The following GRIK1 variants were observed in gnomAD, a reference collection of about 807,000 sequenced individuals.
The protein encoded by GRIK1 is glutamate receptor ionotropic, kainate 1.
A neutral mutation model predicts 105.7 loss-of-function variants in GRIK1; 69 were observed. The ratio of observed to expected loss-of-function variants is 0.65; its 90% confidence interval spans 0.54 to 0.80. The LOEUF is 0.80. Among genes scored for constraint, GRIK1 ranks in the 30% least tolerant of loss-of-function variants. The probability of loss-of-function intolerance (pLI) is 0.00; values close to 1 mark genes in which losing one functional copy is unlikely to be tolerated. For missense variants in GRIK1, 1,109 were observed against 1,167.3 expected, an observed-to-expected ratio of 0.95 and a Z score of 0.73; for synonymous variants, 438 against 431.3, an observed-to-expected ratio of 1.02 and a Z score of -0.19.
chr21:29,905,762 G>A (rs2146276955), intron 1 of GRIK1, among the ~76,000 whole-genome samples: 1 of 147,948 alleles, frequency 6.8e-6, no homozygotes, highest in African/African-American at 2.5e-5. Context: ...AAGTAGCTGG[G>A]ACTACAGGCG....
intron 1 of GRIK1, among the ~76,000 whole-genome samples, chr21:29,831,266 C>T (rs964913464): frequency 3.3e-5 from 5 of 152,154 alleles, no homozygotes; most frequent in African/African-American, 1.2e-4. Flanking sequence ...TTTACTTCTG[C>T]AGCTTTGACT....
intron 1 of GRIK1, among the ~76,000 whole-genome samples, chr21:29,916,388 T>TA (rs1010592967): frequency 5.9e-5 from 9 of 151,320 alleles, no homozygotes; most frequent in African/African-American, 2.2e-4. Context: ...CCTGTTTCTG[T>TA]AAAAAAAAAT....
chr21:29,732,831 A>C (rs148970855), intron 1 of GRIK1, among the ~76,000 whole-genome samples: 32 of 152,278 alleles, frequency 2.1e-4, no homozygotes, highest in Non-Finnish European at 3.4e-4. Flanking sequence ...ACTACATCCT[A>C]GTTCTGTGTG....
At chr21:29,779,331 A>AGT (rs1307429410) in intron 1 of GRIK1, among the ~76,000 whole-genome samples, 6 of 80,584 alleles carry the variant, frequency 7.4e-5, no homozygotes, top group African/African-American at 1.8e-4. Context: ...GAGGTCAGTG[A>AGT]GTGAGTGTGT....
intron 7 of GRIK1, among the ~76,000 whole-genome samples, chr21:29,620,833 A>G (rs1568897830): frequency 6.9e-6 from 1 of 145,876 alleles, no homozygotes; most frequent in East Asian, 1.9e-4. Flanking sequence ...ATAATATATT[A>G]TAGTCATAAA....
intron 4 of GRIK1, among the ~76,000 whole-genome samples, chr21:29,655,235 C>A (rs758806808): frequency 1.3e-5 from 2 of 152,154 alleles, no homozygotes; most frequent in Non-Finnish European, 2.9e-5. Context: ...ATAGAGAAAT[C>A]CTGTCTCTAC....
In GRIK1 at chr21:29,629,217, T is replaced by TGTGTGTGTGTGTGG. The variant is rs1555853097; in HGVS notation, c.1098+13608_1098+13609insCCACACACACACAC. Among the ~76,000 whole-genome samples the TGTGTGTGTGTGTGG allele has an allele frequency of 2.0e-3, 299 of 148,942 alleles. 2 individuals are homozygous for TGTGTGTGTGTGTGG. Among genetic ancestry groups the TGTGTGTGTGTGTGG allele is most frequent in the African/African-American group, 6.9e-3 (274 of 39,460 alleles). ...AAATGTGTGTGTGTGTGTGTGTGTG[T>TGTGTGTGTGTGTGG]GTGTGTGTGTGTGTGTGCTATTTGC... On this transcript the variant is annotated intron_variant, in intron 7 of 17. Transcript: ENST00000327783.
chr21:29,560,552 C>G (rs1601116388), intron 15 of GRIK1, among the ~76,000 whole-genome samples: 1 of 95,922 alleles, frequency 1.0e-5, no homozygotes, highest in South Asian at 3.2e-4. Flanking sequence ...TTCTTTCTTT[C>G]TTTCTTTCTT....
Position 29,852,267 on chromosome 21 carries a change from A to G in GRIK1, c.118+87116T>C, listed in dbSNP as rs886237310. Among the ~76,000 whole-genome samples the G allele has an allele frequency of 2.0e-5, 3 of 152,172 alleles. No homozygotes were observed. In the South Asian group the frequency reaches 6.2e-4, roughly 32 times the overall value. On this transcript the variant is annotated intron_variant, in intron 1 of 17. Transcript: ENST00000327783. ...AATAGTTAGTTCTCTCCCACAGAGC[A>G]CTTTTCACTTTCCTTGCGCTTAAAT...
chr21:29,592,817 T>G (rs2061351543), intron 9 of GRIK1, among the ~76,000 whole-genome samples: 1 of 152,158 alleles, frequency 6.6e-6, no homozygotes, highest in Non-Finnish European at 1.5e-5. Flanking sequence ...CTGGACTCAT[T>G]TTTTTAAAAA....
intron 15 of GRIK1, among the ~76,000 whole-genome samples, chr21:29,558,767 G>A (rs1170869249): frequency 6.6e-6 from 1 of 151,336 alleles, no homozygotes; most frequent in East Asian, 1.9e-4. Context: ...CTCAACACTA[G>A]GTCAGCTTCA....
chr21:29,560,278 G>GTTTTCT (rs2090358738), intron 15 of GRIK1, among the ~76,000 whole-genome samples: 1 of 124,500 alleles, frequency 8.0e-6, no homozygotes, highest in Admixed American at 7.7e-5. Flanking sequence ...ATATGATACA[G>GTTTTCT]TTTTCTTTCT....
intron 3 of GRIK1, among the ~76,000 whole-genome samples, chr21:29,684,452 T>C (rs1038916222): frequency 1.3e-5 from 2 of 152,172 alleles, no homozygotes; most frequent in African/African-American, 4.8e-5. Context: ...TATCAGCTAT[T>C]AGGTTGGTGC....
At chr21:29,803,285 C>T (rs909670128) in intron 1 of GRIK1, among the ~76,000 whole-genome samples, 2 of 152,188 alleles carry the variant, frequency 1.3e-5, no homozygotes, top group South Asian at 2.1e-4. Flanking sequence ...TAAGCAAATG[C>T]CATAGTTATG....
chr21:29,668,993 G>C (rs574068413), intron 4 of GRIK1, among the ~76,000 whole-genome samples: 1 of 152,084 alleles, frequency 6.6e-6, no homozygotes, highest in Admixed American at 6.5e-5. Flanking sequence ...GGACACATGC[G>C]ACCTTCTGGT....
chr21:29,572,734 G>T (rs946843637), intron 14 of GRIK1, among the ~76,000 whole-genome samples: 1 of 151,918 alleles, frequency 6.6e-6, no homozygotes, highest in Non-Finnish European at 1.5e-5. Context: ...CTCATTAATA[G>T]GGATAATATT....
At chr21:29,661,530 A>G (rs1253810170) in intron 4 of GRIK1, among the ~76,000 whole-genome samples, 1 of 152,182 alleles carries the variant, frequency 6.6e-6, no homozygotes, top group Non-Finnish European at 1.5e-5. Context: ...AGGAATGAGG[A>G]CGGCCTCTGT....
chr21:29,691,654 A>G (rs1231769048), intron 2 of GRIK1, among the ~76,000 whole-genome samples: 1 of 152,232 alleles, frequency 6.6e-6, no homozygotes, highest in South Asian at 2.1e-4. Flanking sequence ...CAAATTTAGA[A>G]CGGTCATCAG....
intron 2 of GRIK1, among the ~76,000 whole-genome samples, chr21:29,692,329 A>G (rs1002625897): frequency 3.3e-5 from 5 of 152,120 alleles, no homozygotes; most frequent in East Asian, 3.9e-4. Flanking sequence ...GTCTGTTTGC[A>G]TAGGTGTATG....
Sources: allele counts gnomAD v4.1 joint callset (sites outside exome capture counted in the v4.1 genomes callset), GRCh38; gene constraint gnomAD v4.1.1; transcripts MANE v1.5; gene names NCBI Gene and HGNC (gene_info 2026-07-23, HGNC 2026-07-21).